The following PHF23 variants were observed in gnomAD, a reference collection of about 807,000 sequenced individuals.
The protein encoded by PHF23 is PDH-containing protein JUNE-1.
A neutral mutation model predicts 36.0 loss-of-function variants in PHF23; 3 were observed. The observed-to-expected ratio is 0.08, with a 90% confidence interval of 0.04 to 0.22. PHF23 has a LOEUF of 0.22. Among genes scored for constraint, PHF23 ranks in the 10% least tolerant of loss-of-function variants. The pLI, the probability that PHF23 is intolerant of heterozygous loss-of-function variation, is 1.00. For missense variants in PHF23, 475 were observed against 513.6 expected (o/e 0.92, Z 0.73); for synonymous variants, 242 against 192.5 (o/e 1.26, Z -2.13).
Position 7,236,162 on chromosome 17 carries a change from TTCCTCC to T in PHF23, c.759_764del (p.Glu260_Glu261del). Reference sequence around the variant, plus strand: ...TTGCCATCTCTTCTTCTTCTTCCTCTTCCTCCTCTTCCTCCTCCTCTTCAGAGTCTG... The same window carrying T: ...TTGCCATCTCTTCTTCTTCTTCCTCTTCTTCCTCCTCCTCTTCAGAGTCTG... On this transcript the variant is annotated inframe_deletion, in exon 4 of 5. Transcript: ENST00000320316. The surrounding 1 kb of genome is among the most constrained non-coding windows in gnomAD (Gnocchi z 5.1). 2 of 1,608,360 alleles carry T rather than the reference TTCCTCC, an allele frequency of 1.2e-6. No homozygotes were observed. Among genetic ancestry groups the T allele is most frequent in the Non-Finnish European group, 1.7e-6 (2 of 1,177,134 alleles).
chr17:7,235,475 G>T lies in PHF23; in HGVS notation c.*151C>A. On this transcript the variant is annotated 3_prime_UTR_variant, in exon 5 of 5. Coordinates refer to ENST00000320316, the MANE Select transcript of PHF23 (RefSeq NM_024297.3). Reference sequence around the variant, plus strand: ...TGGGGAGGAAGGATAGGGTGGGAAAGTGAGACACTCATTTTCAAACAAGTC... The same window carrying T: ...TGGGGAGGAAGGATAGGGTGGGAAATTGAGACACTCATTTTCAAACAAGTC... 1.3e-6 allele frequency: 1 copy of T among 784,612 alleles called. No individual in the cohort carries two copies. Among genetic ancestry groups the T allele is most frequent in the Non-Finnish European group, 2.1e-6 (1 of 482,472 alleles). 48.6% of individuals were successfully genotyped at this position (784,612 alleles called of 1,614,324 possible).
At position 7,236,759 on chromosome 17, in the gene PHF23, G is replaced by C; in HGVS notation, c.168C>G (p.Asp56Glu). Residue 56 changes from aspartate to glutamate, a missense_variant, in exon 4 of 5, where the codon GAC becomes GAG. This residue lies in a region of PHF23 where 350 missense variants were observed against 319.8 expected (regional missense o/e 1.09). Coordinates refer to ENST00000320316, the MANE Select transcript of PHF23 (RefSeq NM_024297.3). The surrounding 1 kb of genome is among the most constrained non-coding windows in gnomAD (Gnocchi z 5.1). ...GAGAGCTGGAGCCAGAGGCTGGCCA[G>C]TCACTTTCCTTAAAAGGGGGAAGAG... is the stretch of plus-strand genomic sequence containing the variant. ...GYIPPSKEES[D>E]WPASGSSSPL... 6.2e-7 allele frequency: 1 copy of C among 1,610,082 alleles called. No homozygotes were observed. Among genetic ancestry groups the C allele is most frequent in the Admixed American group, 1.7e-5 (1 of 59,852 alleles).
Position 7,236,763 on chromosome 17 carries a change from C to T in PHF23, c.164G>A (p.Ser55Asn), listed in dbSNP as rs1046572930. The T allele has an allele frequency of 6.2e-7, 1 of 1,608,998 alleles. No individual in the cohort carries two copies. The highest frequency in any genetic ancestry group is 8.5e-7 in the Non-Finnish European group (1 of 1,177,542). Reference protein sequence around the residue: ...AGYIPPSKEESDWPASGSSSP... With the variant: ...AGYIPPSKEENDWPASGSSSP... Reference sequence around the variant, plus strand: ...GCTGGAGCCAGAGGCTGGCCAGTCACTTTCCTTAAAAGGGGGAAGAGACCA... The same window carrying T: ...GCTGGAGCCAGAGGCTGGCCAGTCATTTTCCTTAAAAGGGGGAAGAGACCA... Residue 55 changes from serine to asparagine, a missense_variant, in exon 4 of 5, where the codon AGT becomes AAT. Physicochemically the swap from Ser to Asn is conservative, Grantham distance 46 (BLOSUM62 1). Transcript: ENST00000320316. This position sits in a 1 kb window ranked among gnomAD's most constrained non-coding sequence, Gnocchi z 5.1.
chr17:7,238,050 T>G, intron 1 of PHF23: 4 of 183,746 alleles, frequency 2.2e-5, no homozygotes, highest in Non-Finnish European at 4.1e-5. Context: ...CCCGAGTTCC[T>G]ACCCGGCCGC....
chr17:7,238,971 G>A, intron 1 of PHF23: 3 of 1,477,504 alleles, frequency 2.0e-6, no homozygotes, highest in Non-Finnish European at 2.7e-6. Flanking sequence ...CCAATCTGCC[G>A]GTGGCCCTTT....
In PHF23 at chr17:7,235,674, C is replaced by T; in HGVS notation, c.1164G>A (p.Arg388=). Residue 388 remains arginine, a synonymous_variant, in exon 5 of 5, where the codon AGG becomes AGA. Transcript: ENST00000320316. Reference sequence around the variant, plus strand: ...GCCCCCCTAACCGCCGGGCCTCTGGCCTCAGTTCCTTGCATTTCTGGCAAT... The same window carrying T: ...GCCCCCCTAACCGCCGGGCCTCTGGTCTCAGTTCCTTGCATTTCTGGCAAT... ...FFYCQKCKEL[R]PEARRLGGPP... 1 of 1,614,166 alleles carries T rather than the reference C, an allele frequency of 6.2e-7. No homozygotes were observed. Among genetic ancestry groups the T allele is most frequent in the Non-Finnish European group, 8.5e-7 (1 of 1,180,038 alleles).
upstream of PHF23, chr17:7,239,478 C>G (rs2071749429): frequency 4.3e-6 from 2 of 461,758 alleles, no homozygotes; most frequent in Non-Finnish European, 7.9e-6. Context: ...GCCCCCTCCC[C>G]CCGCGCCGCC....
At chr17:7,235,893 C>T in intron 4 of PHF23, 37 bp downstream of exon 4, 1 of 1,612,932 alleles carries the variant, frequency 6.2e-7, no homozygotes, top group Middle Eastern at 1.6e-4. Flanking sequence ...GGATCCACAA[C>T]ACCCTCAAAC....
Position 7,239,263 on chromosome 17 carries a change from G to A in PHF23, c.17C>T (p.Ala6Val). 1 of 1,537,470 alleles carries A rather than the reference G, an allele frequency of 6.5e-7. No individual in the cohort carries two copies. The highest frequency in any genetic ancestry group is 1.4e-5 in the African/African-American group (1 of 72,570). MLEAM[A>V]EPSPEDPPPT... is the part of the protein sequence containing the mutation. ...GAGCTCACCTTCGGGACTGGGCTCCGCCATGGCTTCCAGCATCGCCCCCTC... is the reference window on the plus strand; with the variant it reads ...GAGCTCACCTTCGGGACTGGGCTCCACCATGGCTTCCAGCATCGCCCCCTC... Residue 6 changes from alanine to valine, a missense_variant, in exon 1 of 5, where the codon GCG (alanine) becomes GTG (valine). By Grantham distance (64) the Ala-to-Val change is moderately conservative (BLOSUM62 0). Around this residue, in one of 5 missense-constraint regions of PHF23, gnomAD observed 54 missense variants for 42.0 expected, o/e 1.28. Transcript: ENST00000320316.
In PHF23 at chr17:7,236,187, G is replaced by A; in HGVS notation, c.740C>T (p.Ser247Phe). ...TTCCTCCTCTTCCTCCTCCTCTTCA[G>A]AGTCTGTATCACTGGGGGGTGCCTG... Reference protein sequence around the residue: ...PPQAPPSDTDSEEEEEEEEEE... With the variant: ...PPQAPPSDTDFEEEEEEEEEE... Residue 247 changes from serine (S) to phenylalanine (F), a missense_variant, in exon 4 of 5, where the codon TCT becomes TTT. This residue lies in a region of PHF23 where 350 missense variants were observed against 319.8 expected (regional missense o/e 1.09). Coordinates refer to ENST00000320316, the MANE Select transcript of PHF23 (RefSeq NM_024297.3). This position sits in a 1 kb window ranked among gnomAD's most constrained non-coding sequence, Gnocchi z 5.1. The A allele has an allele frequency of 6.2e-7, 1 of 1,612,348 alleles. No individual in the cohort carries two copies. The highest frequency in any genetic ancestry group is 8.5e-7 in the Non-Finnish European group (1 of 1,179,110).
At position 7,235,238 on chromosome 17, in the gene PHF23, A is replaced by C. The variant is rs535350927; in HGVS notation, c.*388T>G. 7 of 257,078 alleles carry C rather than the reference A, an allele frequency of 2.7e-5. No individual in the cohort carries two copies. In the East Asian group the frequency reaches 6.5e-4, roughly 24 times the overall value. 15.9% of individuals were successfully genotyped at this position (257,078 alleles called of 1,614,324 possible). On this transcript the variant is annotated 3_prime_UTR_variant, in exon 5 of 5. Coordinates refer to ENST00000320316, the MANE Select transcript of PHF23 (RefSeq NM_024297.3). The stretch of plus-strand genomic sequence containing the variant: ...ATTAAAAATACAACCGGTGTAGAAG[A>C]AAATAAATGGGGAGTGAAATAGAAG...
In PHF23 at chr17:7,236,818, C is replaced by A. The variant is rs746624150; in HGVS notation, c.160-51G>T. ...CAGCAGAACCCCAGTGTCATCTCAG[C>A]CCCTCCACAAACCCAGCTTGAAAAG... On this transcript the variant is annotated intron_variant, in intron 3 of 4. Coordinates refer to ENST00000320316, the MANE Select transcript of PHF23 (RefSeq NM_024297.3). This position sits in a 1 kb window ranked among gnomAD's most constrained non-coding sequence, Gnocchi z 5.1. 6.5e-7 allele frequency: 1 copy of A among 1,546,190 alleles called. No homozygotes were observed. Among genetic ancestry groups the A allele is most frequent in the South Asian group, 1.2e-5 (1 of 80,736 alleles).
In PHF23 at chr17:7,236,244, C is replaced by T. The variant is rs374283851; in HGVS notation, c.683G>A (p.Arg228Gln). The T allele has an allele frequency of 5.0e-5, 80 of 1,613,480 alleles. No homozygotes were observed. The highest frequency in any genetic ancestry group is 1.5e-4 in the Admixed American group (9 of 59,956). The change falls in exon 4 of 5, where the codon CGG becomes CAG. Residue 228 changes from arginine to glutamine, a missense_variant. Around this residue, in one of 5 missense-constraint regions of PHF23, gnomAD observed 350 missense variants for 319.8 expected, o/e 1.09. Transcript: ENST00000320316. The surrounding 1 kb of genome is among the most constrained non-coding windows in gnomAD (Gnocchi z 5.1). ...SKKRKLKKAE[R>Q]GDRLPPPGPP... ...CCCAGGAGGTGGGAGTCTATCCCCC[C>T]GTTCTGCCTTTTTTAACTTCCGCTT...
chr17:7,239,209 C>T (rs769729356), intron 1 of PHF23, 37 bp downstream of exon 1: 3 of 1,446,636 alleles, frequency 2.1e-6, no homozygotes, highest in Non-Finnish European at 2.9e-6. Context: ...CGCCCGCCCC[C>T]CGCCGGCTCA....
intron 1 of PHF23, 122 bp from the exon 2 acceptor site, chr17:7,237,782 G>A (rs1714861646): frequency 3.4e-6 from 4 of 1,182,388 alleles, no homozygotes; most frequent in Non-Finnish European, 4.9e-6. Context: ...CAGGCCAGCA[G>A]GCCCCCAGCT....
Position 7,235,548 on chromosome 17 carries a change from G to A in PHF23, c.*78C>T. 11 of 1,448,564 alleles carry A rather than the reference G, an allele frequency of 7.6e-6. No homozygotes were observed. The highest frequency in any genetic ancestry group is 1.2e-5 in the South Asian group (1 of 86,790). 89.7% of individuals were successfully genotyped at this position (1,448,564 alleles called of 1,614,324 possible). ...AAGTGCAGACAGTATCCAAGCTCCA[G>A]GGGATAGGCTGAGGACCCTGAGGCT... On this transcript the variant is annotated 3_prime_UTR_variant, in exon 5 of 5. Transcript: ENST00000320316.
At chr17:7,240,540 C>A (rs2071764982), upstream of PHF23, 1 of 269,788 alleles carries the variant, frequency 3.7e-6, no homozygotes, top group South Asian at 5.2e-5. Flanking sequence ...GGTTCTGAGC[C>A]CCTTGGGCAG....
At chr17:7,239,106 C>G in intron 1 of PHF23, 140 bp downstream of exon 1, 1 of 1,037,646 alleles carries the variant, frequency 9.6e-7, no homozygotes, top group Non-Finnish European at 1.4e-6. Flanking sequence ...CAACTCGTCG[C>G]TCTCCCACCT....
chr17:7,239,174 C>T (rs2071743349), intron 1 of PHF23, 72 bp downstream of exon 1: 2 of 1,148,176 alleles, frequency 1.7e-6, no homozygotes, highest in South Asian at 1.4e-5. Flanking sequence ...CGGGGCTCGA[C>T]CTCCAAGTTT....
Sources: allele counts gnomAD v4.1 joint callset, GRCh38; gene constraint gnomAD v4.1.1; regional missense constraint gnomAD v4.1.1; non-coding constraint Gnocchi (gnomAD v3.1); transcripts MANE v1.5; gene names NCBI Gene and HGNC (gene_info 2026-07-23, HGNC 2026-07-21).